PRH1: variants seen among roughly 807,000 people sequenced by gnomAD.
The protein encoded by PRH1 is proline rich protein HaeIII subfamily 1, also known as salivary acidic proline-rich phosphoprotein 1/2.
A neutral mutation model predicts 7.9 loss-of-function variants in PRH1; 7 were observed. The observed-to-expected ratio is 0.89, with a 90% CI of 0.50 to 1.67. The LOEUF is 1.67. Ranked by LOEUF, PRH1 falls within the 40% of genes most tolerant of loss-of-function variation. PRH1 has a pLI of 0.00. For missense variants in PRH1, 109 were observed against 223.6 expected, an observed-to-expected ratio of 0.49 and a Z score of 3.27; for synonymous variants, 45 against 80.8, an observed-to-expected ratio of 0.56 and a Z score of 2.38.
intron 2 of PRH1, chr12:10,937,660 A>T (rs994282079): frequency 6.6e-6 from 1 of 152,190 alleles, no homozygotes; most frequent in Non-Finnish European, 1.5e-5. Context: ...TAAAATGGAG[A>T]AGTAAAATAA....
rs532961141 is a variant in PRH1 at position 10,883,451 on chromosome 12, T to C, written c.65-355A>G. On this transcript the variant is annotated intron_variant, in intron 1 of 3. Coordinates refer to ENST00000543626, the MANE Select transcript of PRH1 (RefSeq NM_001393989.1). ...CTCTTCCCTCCACTTTCCTCCTCTA[T>C]AGCATTTGCCTGTAAACCCTTAGCG... is the stretch of plus-strand genomic sequence containing the variant. Among the ~76,000 whole-genome samples, 12 of 152,272 alleles carry C rather than the reference T, an allele frequency of 7.9e-5. No individual in the cohort carries two copies. The East Asian group carries it at 1.2e-3, about 15-fold the overall frequency.
intron 1 of PRH1, among the ~76,000 whole-genome samples, chr12:10,976,799 C>A (rs1167299516): frequency 6.6e-5 from 10 of 152,044 alleles, no homozygotes; most frequent in Non-Finnish European, 1.3e-4. Context: ...TCTATGCATA[C>A]AAGCTAGAAA....
chr12:11,026,477 C>T (rs1257982728), intron 1 of PRH1, among the ~76,000 whole-genome samples: 2 of 121,552 alleles, frequency 1.6e-5, no homozygotes, highest in East Asian at 2.4e-4. Context: ...TCACATTCTT[C>T]GTGAACTGTA....
rs1381222440 is a variant in PRH1, at chr12:10,882,647, A to T, written c.152T>A (p.Leu51Ter). 2.5e-6 allele frequency: 4 copies of T among 1,612,222 alleles called. No individual in the cohort carries two copies. The African/African-American group carries it at 5.3e-5, about 22-fold the overall frequency. ...AGAGGGTTGAGATTGCTGTCCTCCCAAAGGTGGTCCCTGACGCTCCTCATC... is the reference window on the plus strand; with the variant it reads ...AGAGGGTTGAGATTGCTGTCCTCCCTAAGGTGGTCCCTGACGCTCCTCATC... ...FLDEERQGPP[L>*]GGQQSQPSAG... Residue 51 changes from leucine (L) to a stop codon, truncating the protein, a stop_gained, in exon 3 of 4, where the codon TTG becomes TAG. Coordinates refer to ENST00000543626, the MANE Select transcript of PRH1 (RefSeq NM_001393989.1). LOFTEE classifies it low-confidence loss of function (END_TRUNC).
intron 1 of PRH1, among the ~76,000 whole-genome samples, chr12:11,137,241 A>G (rs1946583862): frequency 6.6e-6 from 1 of 152,210 alleles, no homozygotes; most frequent in Admixed American, 6.5e-5. Flanking sequence ...ATAAGCAGAA[A>G]TCAAGGCTTC....
chr12:11,029,106 G>C lies in PRH1; in HGVS notation c.-126+17914C>G, dbSNP rs367787798. On this transcript the variant is annotated intron_variant, in intron 1 of 3. Coordinates refer to the PRH1 transcript ENST00000539853. ...TTTACAGTCCTTACATTGTACTGAG[G>C]AAGATATATGATTAAAAAAATACAC... 3.9e-5 allele frequency among the ~76,000 whole-genome samples: 6 copies of C among 152,390 alleles called. No individual in the cohort carries two copies. In the South Asian group the frequency reaches 1.0e-3, roughly 26 times the overall value.
In PRH1 at chr12:11,096,667, A is replaced by G. The variant is rs1274419605; in HGVS notation, n.124-49479T>C. Among the ~76,000 whole-genome samples, 5 of 115,648 alleles carry G rather than the reference A, an allele frequency of 4.3e-5. 2 individuals are homozygous for G. Among genetic ancestry groups the G allele is most frequent in the Admixed American group, 1.7e-4 (2 of 11,560 alleles). The allele number at this position is 115,648 out of a possible 152,430, so 75.9% of individuals were successfully genotyped here. A position where few individuals can be genotyped will look rare whatever the true frequency, so the allele number is the denominator to read the frequency against. The stretch of plus-strand genomic sequence containing the variant: ...TATCTGTTGCTGGGTCATCACCACA[A>G]ACTCTTTTCACAGGGAAATTCAATG... On this transcript the variant is annotated intron_variant and non_coding_transcript_variant, in intron 1 of 4. Coordinates refer to the PRH1 transcript ENST00000541977.
intron 2 of PRH1, among the ~76,000 whole-genome samples, chr12:10,940,216 G>A (rs898957776): frequency 1.1e-4 from 16 of 152,062 alleles, no homozygotes; most frequent in African/African-American, 9.6e-5. Context: ...GCAAACATGC[G>A]CGCACACACA....
intron 1 of PRH1, among the ~76,000 whole-genome samples, chr12:11,158,496 C>T (rs1398515894): frequency 6.6e-6 from 1 of 151,916 alleles, no homozygotes; most frequent in Non-Finnish European, 1.5e-5. Context: ...ATCATATGTG[C>T]ATTTATTTAT....
upstream of PRH1, among the ~76,000 whole-genome samples, chr12:10,885,361 G>A (rs1471927782): frequency 6.6e-6 from 1 of 151,906 alleles, no homozygotes; most frequent in Non-Finnish European, 1.5e-5. Flanking sequence ...TGTATTCTGA[G>A]TCTACCTTGC....
chr12:11,125,568 AT>A (rs1946089182), intron 1 of PRH1, among the ~76,000 whole-genome samples: 1 of 152,300 alleles, frequency 6.6e-6, no homozygotes, highest in Admixed American at 6.5e-5. Flanking sequence ...TATTCAAAAA[AT>A]TTGTAGTATC....
chr12:10,950,840 C>T (rs1950559780), intron 2 of PRH1, among the ~76,000 whole-genome samples: 1 of 151,828 alleles, frequency 6.6e-6, no homozygotes, highest in African/African-American at 2.4e-5. Context: ...CAAATTCTAT[C>T]ATTACTAGTT....
chr12:10,997,631 A>G lies in PRH1; in HGVS notation c.-125-23910T>C, dbSNP rs759760868. 3.1e-6 allele frequency: 5 copies of G among 1,613,606 alleles called. No homozygotes were observed. The Admixed American group carries it at 8.3e-5, about 27-fold the overall frequency. The stretch of plus-strand genomic sequence containing the variant: ...TACTGCCCAGGCATTAGAAATAAAA[A>G]TTATTACTTTTAAATTAGATGAAGT... On this transcript the variant is annotated intron_variant, in intron 1 of 3. Transcript: ENST00000539853.
chr12:10,985,928 A>T (rs757883656), intron 1 of PRH1: 1 of 1,564,684 alleles, frequency 6.4e-7, no homozygotes, highest in East Asian at 2.2e-5. Context: ...CCCACTTGTG[A>T]ATCTAGAGAG....
intron 1 of PRH1, among the ~76,000 whole-genome samples, chr12:11,035,453 T>C (rs766497812): frequency 1.3e-5 from 2 of 152,226 alleles, no homozygotes; most frequent in Non-Finnish European, 2.9e-5. Context: ...TTGATTACTC[T>C]TTTTGTTTTT....
chr12:10,997,536 A>G (rs1268589909), intron 1 of PRH1: 2 of 1,614,072 alleles, frequency 1.2e-6, no homozygotes. Context: ...ATAAGTCTGG[A>G]GAAATTGACG....
chr12:11,063,502 G>A (rs1270693382), intron 1 of PRH1, among the ~76,000 whole-genome samples: 1 of 152,026 alleles, frequency 6.6e-6, no homozygotes, highest in African/African-American at 2.4e-5. Context: ...CCAAGATTCA[G>A]AATTTGGTCC....
chr12:11,144,274 G>C (rs373241961), intron 1 of PRH1, among the ~76,000 whole-genome samples: 12 of 152,196 alleles, frequency 7.9e-5, no homozygotes, highest in African/African-American at 2.9e-4. Context: ...TGGCTGCTGT[G>C]GGGGATGGGG....
In PRH1 at chr12:11,096,319, A is replaced by G. The variant is rs1280267745; in HGVS notation, n.124-49131T>C. Among the ~76,000 whole-genome samples the G allele has an allele frequency of 1.7e-5, 2 of 115,306 alleles. 1 individual carries two copies. Among genetic ancestry groups the G allele is most frequent in the Non-Finnish European group, 4.1e-5 (2 of 48,882 alleles). 75.6% of individuals were successfully genotyped at this position (115,306 alleles called of 152,430 possible). A position where few individuals can be genotyped will look rare whatever the true frequency, so the allele number is the denominator to read the frequency against. ...AATTCACTAATTCTTTCTTATGTTT[A>G]ACTGGTTGTTAACGCTATTGGATTC... On this transcript the variant is annotated intron_variant and non_coding_transcript_variant, in intron 1 of 4. Coordinates refer to the PRH1 transcript ENST00000541977.
Sources: gnomAD v4.1 joint callset for allele counts (sites outside exome capture counted in the v4.1 genomes callset) on GRCh38, gnomAD v4.1.1 for gene constraint, MANE v1.5 for transcripts, NCBI Gene and HGNC (gene_info 2026-07-23, HGNC 2026-07-21) for gene names.